Variants in GPR39 observed in about 807,000 individuals in gnomAD.
GPR39 encodes zinc sensing receptor.
In GPR39, 23 loss-of-function variants were observed where a neutral mutation model predicts 18.4. The ratio of observed to expected loss-of-function variants is 1.25; its 90% confidence interval spans 0.90 to 1.77. The LOEUF (loss-of-function observed/expected upper bound fraction) is 1.77. Ranked by LOEUF, GPR39 falls within the 40% of genes most tolerant of loss-of-function variation. The pLI is 0.00. For missense variants in GPR39, 647 were observed against 602.4 expected (o/e 1.07, Z -0.78); for synonymous variants, 280 against 257.9 (o/e 1.09, Z -0.82).
At chr2:132,480,048 A>T (rs529921732) in intron 1 of GPR39, among the ~76,000 whole-genome samples, 9 of 152,338 alleles carry the variant, frequency 5.9e-5, no homozygotes, top group African/African-American at 1.9e-4. Context: ...AACAGATGGT[A>T]TATACGTGTA....
At chr2:132,499,263 ATTC>A (rs1367154372) in intron 1 of GPR39, among the ~76,000 whole-genome samples, 1 of 152,136 alleles carries the variant, frequency 6.6e-6, no homozygotes, top group Non-Finnish European at 1.5e-5. Flanking sequence ...ATCCAGTTTC[ATTC>A]TTCTACGTGT....
intron 1 of GPR39, among the ~76,000 whole-genome samples, chr2:132,606,864 C>T (rs1441463743): frequency 6.6e-6 from 1 of 152,158 alleles, no homozygotes; most frequent in Non-Finnish European, 1.5e-5. Context: ...CCTCCAAGTC[C>T]CCCTGGCAGA....
At chr2:132,432,398 T>C (rs983265868) in intron 1 of GPR39, among the ~76,000 whole-genome samples, 1 of 152,154 alleles carries the variant, frequency 6.6e-6, no homozygotes, top group Non-Finnish European at 1.5e-5. Context: ...TACCATCACA[T>C]TGGTGACTAG....
At chr2:132,615,702 C>T (rs1398438657) in intron 1 of GPR39, among the ~76,000 whole-genome samples, 2 of 152,222 alleles carry the variant, frequency 1.3e-5, no homozygotes, top group Admixed American at 1.3e-4. Context: ...TTGCTTACTT[C>T]TCCCTTTAGC....
At chr2:132,599,856 G>A (rs1482166182) in intron 1 of GPR39, among the ~76,000 whole-genome samples, 4 of 152,204 alleles carry the variant, frequency 2.6e-5, no homozygotes, top group South Asian at 4.1e-4. Flanking sequence ...TAGACCTGCC[G>A]TGGATGTGAT....
At chr2:132,559,602 T>G (rs1458855960) in intron 1 of GPR39, among the ~76,000 whole-genome samples, 1 of 151,880 alleles carries the variant, frequency 6.6e-6, no homozygotes, top group Non-Finnish European at 1.5e-5. Context: ...CCCGGCCAGG[T>G]CTTGGGAGTA....
At chr2:132,559,283 T>C (rs1299689013) in intron 1 of GPR39, among the ~76,000 whole-genome samples, 1 of 152,294 alleles carries the variant, frequency 6.6e-6, no homozygotes, top group East Asian at 1.9e-4. Flanking sequence ...TAAATTTTTG[T>C]AGAAAACAAC....
chr2:132,601,880 A>G (rs1681049109), intron 1 of GPR39, among the ~76,000 whole-genome samples: 1 of 152,146 alleles, frequency 6.6e-6, no homozygotes, highest in South Asian at 2.1e-4. Context: ...TGCAATGAAA[A>G]CTACAAAACA....
At chr2:132,558,301 T>C (rs1446115490) in intron 1 of GPR39, among the ~76,000 whole-genome samples, 1 of 152,136 alleles carries the variant, frequency 6.6e-6, no homozygotes, top group African/African-American at 2.4e-5. Flanking sequence ...GAAATGAGAA[T>C]GTGTGAAAAG....
intron 1 of GPR39, among the ~76,000 whole-genome samples, chr2:132,516,001 A>G (rs990889899): frequency 1.3e-5 from 2 of 152,078 alleles, no homozygotes; most frequent in African/African-American, 4.8e-5. Context: ...TCTCCTGTTA[A>G]TCTGTCTCCT....
At position 132,447,420 on chromosome 2, in the gene GPR39, C is replaced by T. The variant is rs113845823; in HGVS notation, c.856+29522C>T. Among the ~76,000 whole-genome samples, 59 of 152,156 alleles carry T rather than the reference C, an allele frequency of 3.9e-4. 1 individual carries two copies. Among genetic ancestry groups the T allele is most frequent in the African/African-American group, 1.4e-3 (56 of 41,434 alleles). ...ACATTTCGTTACAATTTTCTGAATG[C>T]TTCATGTATTTTCCTTCATTCTTAA... On this transcript the variant is annotated intron_variant, in intron 1 of 1. Transcript: ENST00000329321.
intron 1 of GPR39, among the ~76,000 whole-genome samples, chr2:132,465,687 G>A (rs1257770254): frequency 6.6e-6 from 1 of 152,184 alleles, no homozygotes; most frequent in Non-Finnish European, 1.5e-5. Flanking sequence ...GCTTTGGAAT[G>A]GGAAGAGGGT....
chr2:132,629,380 G>T (rs1681607917), intron 1 of GPR39, among the ~76,000 whole-genome samples: 1 of 152,158 alleles, frequency 6.6e-6, no homozygotes, highest in African/African-American at 2.4e-5. Context: ...GAGTGAAGGT[G>T]CCCAGGCATG....
chr2:132,467,819 G>A (rs773082179), intron 1 of GPR39, among the ~76,000 whole-genome samples: 2 of 152,162 alleles, frequency 1.3e-5, no homozygotes, highest in Non-Finnish European at 2.9e-5. Context: ...TGGGATACAA[G>A]GGTCAGTTGG....
At chr2:132,633,816 T>C (rs950456186) in intron 1 of GPR39, among the ~76,000 whole-genome samples, 4 of 151,936 alleles carry the variant, frequency 2.6e-5, no homozygotes, top group African/African-American at 9.7e-5. Context: ...GCTGTAGCAG[T>C]GATGTTGGTA....
chr2:132,549,796 A>AG, intron 1 of GPR39, among the ~76,000 whole-genome samples: 1 of 152,198 alleles, frequency 6.6e-6, no homozygotes, highest in East Asian at 1.9e-4. Flanking sequence ...CAAAAAAAAA[A>AG]GAGCTTCAGA....
intron 1 of GPR39, among the ~76,000 whole-genome samples, chr2:132,522,839 C>A (rs72983622): frequency 0.042 from 6,336 of 152,326 alleles, 472 homozygotes; most frequent in African/African-American, 0.14. Flanking sequence ...ACTCCAGCAA[C>A]CTTCTGAGAA....
chr2:132,532,252 G>T (rs974624731), intron 1 of GPR39, among the ~76,000 whole-genome samples: 9 of 152,132 alleles, frequency 5.9e-5, no homozygotes, highest in Non-Finnish European at 8.8e-5. Context: ...TAGAAGAAAT[G>T]GATAATTTCT....
chr2:132,532,199 A>G (rs941996294), intron 1 of GPR39, among the ~76,000 whole-genome samples: 3 of 152,252 alleles, frequency 2.0e-5, no homozygotes, highest in South Asian at 2.1e-4. Flanking sequence ...AACTACCATC[A>G]GAGAATACTA....
Sources: gnomAD v4.1 joint callset for allele counts (sites outside exome capture counted in the v4.1 genomes callset) on GRCh38, gnomAD v4.1.1 for gene constraint, MANE v1.5 for transcripts, NCBI Gene and HGNC (gene_info 2026-07-23, HGNC 2026-07-21) for gene names.